The following RCBTB1 variants were observed in gnomAD, a reference collection of about 807,000 sequenced individuals.
RCBTB1 encodes RCC1 and BTB domain-containing protein 1.
A neutral mutation model predicts 62.4 loss-of-function variants in RCBTB1; 46 were observed. The ratio of observed to expected loss-of-function variants is 0.74; its 90% CI spans 0.58 to 0.94. RCBTB1 has a LOEUF of 0.94. Ranked by LOEUF, RCBTB1 falls within the 40% of genes least tolerant of loss-of-function variation. The pLI is 0.00. For missense variants in RCBTB1, 565 were observed against 654.9 expected (o/e 0.86, Z 1.50); for synonymous variants, 222 against 245.8 (o/e 0.90, Z 0.91).
At chr13:49,570,806 G>A (rs994049730) in intron 2 of RCBTB1, among the ~76,000 whole-genome samples, 2 of 152,154 alleles carry the variant, frequency 1.3e-5, no homozygotes, top group Non-Finnish European at 2.9e-5. Context: ...TTTAATCTTC[G>A]TAATACTCTT....
At position 49,541,021 on chromosome 13, in the gene RCBTB1, T is replaced by C. The variant is rs754885557; in HGVS notation, c.1325-15A>G. On this transcript the variant is annotated splice_polypyrimidine_tract_variant and intron_variant, in intron 11 of 12. Transcript: ENST00000378302. ...ATCCAGAAGACCTAAAAGTAAAATA[T>C]GTGAAAGGTTTAATCAAATGTATAA... 6.2e-6 allele frequency: 10 copies of C among 1,606,658 alleles called. No homozygotes were observed. The Admixed American group carries it at 1.0e-4, about 16-fold the overall frequency.
At chr13:49,584,771 A>G (rs1460983191) in intron 1 of RCBTB1, among the ~76,000 whole-genome samples, 1 of 152,214 alleles carries the variant, frequency 6.6e-6, no homozygotes, top group African/African-American at 2.4e-5. Flanking sequence ...AGTTCCGCAG[A>G]TGGCTTGAAA....
intron 8 of RCBTB1, chr13:49,550,444 T>A (rs1594277719): frequency 9.1e-6 from 9 of 984,010 alleles, no homozygotes; most frequent in African/African-American, 1.7e-5. Context: ...TTGGGTAAGG[T>A]CTCATAATCA....
chr13:49,555,529 G>A lies in RCBTB1; in HGVS notation c.589C>T (p.Leu197=). 1.2e-6 allele frequency: 2 copies of A among 1,613,870 alleles called. No homozygotes were observed. The highest frequency in any genetic ancestry group is 2.2e-5 in the East Asian group (1 of 44,878). ...ACGQTSSMAV[L]DNGEVYGWGY... is the part of the protein sequence containing the mutation. ...AGACACCTCACCTCGCCATTGTCCA[G>A]AACAGCCATGGATGAAGTCTGACCA... The change falls in exon 6 of 13, where the codon CTG becomes TTG. Residue 197 remains leucine (L), a synonymous_variant. Transcript: ENST00000378302.
chr13:49,570,578 C>T (rs1427457188), intron 2 of RCBTB1, among the ~76,000 whole-genome samples: 1 of 152,162 alleles, frequency 6.6e-6, no homozygotes, highest in Admixed American at 6.5e-5. Flanking sequence ...TCCCCCAAAC[C>T]TAGAAATTTG....
chr13:49,547,252 C>A, intron 9 of RCBTB1: 2 of 1,131,216 alleles, frequency 1.8e-6, no homozygotes, highest in Non-Finnish European at 2.3e-6. Context: ...ATTGGTTTCA[C>A]TTTAAGGCAA....
rs1202718765 is a variant in RCBTB1 at position 49,533,989 on chromosome 13, C to G, written c.*133G>C. ...CCTTGTTATGTTCCTACACAAACAA[C>G]TGTGTCCCAGATGTGGAAAAAAACA... On this transcript the variant is annotated 3_prime_UTR_variant, in exon 13 of 13. Coordinates refer to ENST00000378302, the MANE Select transcript of RCBTB1 (RefSeq NM_018191.4). 1 of 856,912 alleles carries G rather than the reference C, an allele frequency of 1.2e-6. No individual in the cohort carries two copies. The highest frequency in any genetic ancestry group is 1.8e-6 in the Non-Finnish European group (1 of 556,998). The allele number at this position is 856,912 out of a possible 1,614,324, so 53.1% of individuals were successfully genotyped here. A position where few individuals can be genotyped will look rare whatever the true frequency, so the allele number is the denominator to read the frequency against.
At chr13:49,551,593 G>A in intron 7 of RCBTB1, 125 bp from the exon 8 acceptor site, 2 of 1,095,368 alleles carry the variant, frequency 1.8e-6, no homozygotes, top group Non-Finnish European at 2.6e-6. Flanking sequence ...ACTGACATTT[G>A]CTGGAACATT....
chr13:49,561,846 C>T (rs545561895), intron 4 of RCBTB1, among the ~76,000 whole-genome samples: 5 of 151,562 alleles, frequency 3.3e-5, no homozygotes, highest in Non-Finnish European at 7.4e-5. Flanking sequence ...AATCCCAGCA[C>T]TTTGGGAGGC....
chr13:49,538,441 T>C (rs1038648137), intron 12 of RCBTB1, among the ~76,000 whole-genome samples: 1 of 152,212 alleles, frequency 6.6e-6, no homozygotes, highest in Non-Finnish European at 1.5e-5. Flanking sequence ...CCTGGCGCAG[T>C]GGCTCATGCC....
rs552350807 is a variant in RCBTB1 at position 49,542,162 on chromosome 13, C to T, written c.1173-335G>A. On this transcript the variant is annotated intron_variant, in intron 10 of 12. Transcript: ENST00000378302. ...CCGGGAGGTGGAGGTTGTGGCGAGC[C>T]GAGATTGCGCTTCTGCACTCTAGCC... Among the ~76,000 whole-genome samples the T allele has an allele frequency of 6.1e-3, 926 of 150,876 alleles. 4 individuals carry two copies. Among genetic ancestry groups the T allele is most frequent in the Non-Finnish European group, 6.7e-3 (456 of 67,846 alleles).
intron 9 of RCBTB1, among the ~76,000 whole-genome samples, chr13:49,548,057 G>A (rs1960969691): frequency 6.6e-6 from 1 of 152,024 alleles, no homozygotes; most frequent in Admixed American, 6.5e-5. Flanking sequence ...GAGATTACAG[G>A]TGTGAGCCAC....
chr13:49,548,163 G>A (rs929334478), intron 9 of RCBTB1, among the ~76,000 whole-genome samples: 8 of 151,810 alleles, frequency 5.3e-5, no homozygotes, highest in East Asian at 3.9e-4. Flanking sequence ...AGGCTGAGGC[G>A]GGCGGATCAC....
At chr13:49,584,919 A>C (rs571651443) in intron 1 of RCBTB1, among the ~76,000 whole-genome samples, 1 of 152,248 alleles carries the variant, frequency 6.6e-6, no homozygotes, top group East Asian at 1.9e-4. Context: ...TTTAGAGTTC[A>C]CCGCACGCCT....
chr13:49,565,795 T>C (rs1296762005), intron 4 of RCBTB1, among the ~76,000 whole-genome samples: 23 of 152,150 alleles, frequency 1.5e-4, no homozygotes, highest in Non-Finnish European at 2.8e-4. Context: ...CAGGCCATGA[T>C]GACGATGGCG....
intron 9 of RCBTB1, chr13:49,546,924 A>G (rs1183510066): frequency 1.0e-6 from 1 of 984,454 alleles, no homozygotes; most frequent in African/African-American, 1.7e-5. Context: ...CTAGGAGGAT[A>G]TAGTCAATGA....
chr13:49,549,232 G>T (rs1961105065), intron 9 of RCBTB1, among the ~76,000 whole-genome samples: 1 of 151,368 alleles, frequency 6.6e-6, no homozygotes, highest in Admixed American at 6.6e-5. Context: ...ATGCGAATTT[G>T]ATATCAATTG....
intron 2 of RCBTB1, among the ~76,000 whole-genome samples, chr13:49,578,626 T>C (rs1007106750): frequency 2.6e-5 from 4 of 152,090 alleles, no homozygotes; most frequent in Non-Finnish European, 5.9e-5. Context: ...ATGTGACACA[T>C]GTTAATATGT....
intron 10 of RCBTB1, among the ~76,000 whole-genome samples, chr13:49,542,657 C>T (rs1960476071): frequency 6.6e-6 from 1 of 151,692 alleles, no homozygotes; most frequent in South Asian, 2.1e-4. Context: ...GTCTGATTAT[C>T]CGACAATTTT....
Sources: gnomAD v4.1 joint callset for allele counts (sites outside exome capture counted in the v4.1 genomes callset) on GRCh38, gnomAD v4.1.1 for gene constraint, MANE v1.5 for transcripts, NCBI Gene and HGNC (gene_info 2026-07-23, HGNC 2026-07-21) for gene names.